IGFL2: variants seen among roughly 807,000 people sequenced by gnomAD.
IGFL2 encodes IGF like family member 2.
Under a neutral mutation model 13.9 loss-of-function variants are expected in IGFL2, and 7 were observed. That is an observed-to-expected ratio of 0.51 (90% CI 0.29 to 0.95). The LOEUF (loss-of-function observed/expected upper bound fraction) is 0.95, where lower values mean the gene tolerates loss of function less well. IGFL2 is among the 40% of genes least tolerant of loss of function. The probability of loss-of-function intolerance (pLI) is 0.08; values close to 1 mark genes in which losing one functional copy is unlikely to be tolerated. For missense variants in IGFL2, 138 were observed against 147.8 expected, an observed-to-expected ratio of 0.93 and a Z score of 0.34; for synonymous variants, 55 against 55.8, an observed-to-expected ratio of 0.99 and a Z score of 0.07.
At chr19:46,174,618 G>A in the IGFL2 span, among the ~76,000 whole-genome samples, 7 of 152,142 alleles carry the variant, frequency 4.6e-5, no homozygotes, top group Non-Finnish European at 1.0e-4. Context: ...AAATGTATGA[G>A]GAGTGGGTAG....
the IGFL2 span, among the ~76,000 whole-genome samples, chr19:46,183,307 A>G: frequency 4.4e-3 from 677 of 152,284 alleles, 5 homozygotes; most frequent in Middle Eastern, 0.014. Context: ...TAGGATTACA[A>G]TTCGAGATGA....
chr19:46,117,242 A>G, the IGFL2 span, among the ~76,000 whole-genome samples: 9 of 152,022 alleles, frequency 5.9e-5, no homozygotes, highest in Admixed American at 3.9e-4. Flanking sequence ...CTCTTTTTAA[A>G]TTTTTATATT....
At chr19:46,091,247 A>AG in the IGFL2 span, among the ~76,000 whole-genome samples, 1 of 152,224 alleles carries the variant, frequency 6.6e-6, no homozygotes, top group Non-Finnish European at 1.5e-5. Flanking sequence ...ATTTGTAAGA[A>AG]GTAGATATCT....
chr19:46,135,704 A>T, the IGFL2 span, among the ~76,000 whole-genome samples: 1 of 150,164 alleles, frequency 6.7e-6, no homozygotes, highest in Non-Finnish European at 1.5e-5. Flanking sequence ...CCTCAAAGGG[A>T]AGACTTTCCT....
the IGFL2 span, among the ~76,000 whole-genome samples, chr19:46,094,175 G>C: frequency 6.6e-6 from 1 of 151,650 alleles, no homozygotes; most frequent in South Asian, 2.1e-4. Flanking sequence ...ACCTGATTCT[G>C]AGGCTTTTTA....
At chr19:46,210,409 G>C in the IGFL2 span, 3 of 152,128 alleles carry the variant, frequency 2.0e-5, no homozygotes, top group African/African-American at 4.8e-5. Context: ...TATTAATCAG[G>C]GTTCTCTAGA....
chr19:46,195,596 G>A, the IGFL2 span, among the ~76,000 whole-genome samples: 128 of 152,194 alleles, frequency 8.4e-4, 1 homozygote, highest in African/African-American at 2.9e-3. Context: ...TAGAGACAGG[G>A]TCTCACTCCA....
the IGFL2 span, among the ~76,000 whole-genome samples, chr19:46,093,523 A>G: frequency 2.6e-5 from 4 of 152,286 alleles, no homozygotes; most frequent in East Asian, 3.9e-4. Flanking sequence ...CACTACTTCT[A>G]TTCATCTTTG....
the IGFL2 span, among the ~76,000 whole-genome samples, chr19:46,102,037 T>C: frequency 5.3e-5 from 8 of 152,342 alleles, no homozygotes; most frequent in East Asian, 1.5e-3. Flanking sequence ...TCTAAGTGGC[T>C]GGAGCTGGAA....
At chr19:46,190,680 C>T in the IGFL2 span, among the ~76,000 whole-genome samples, 6 of 152,204 alleles carry the variant, frequency 3.9e-5, no homozygotes, top group African/African-American at 1.2e-4. Flanking sequence ...ATATTTATCA[C>T]GCCCCCTGGT....
chr19:46,198,238 T>C, the IGFL2 span: 1 of 151,740 alleles, frequency 6.6e-6, no homozygotes, highest in Non-Finnish European at 1.5e-5. Flanking sequence ...GCCTCCCAAG[T>C]AGTTGGGACC....
chr19:46,172,296 C>T, the IGFL2 span, among the ~76,000 whole-genome samples: 1 of 152,168 alleles, frequency 6.6e-6, no homozygotes, highest in Admixed American at 6.5e-5. Flanking sequence ...TCACACAAGG[C>T]ATTCTGTGGG....
chr19:46,095,738 T>C, the IGFL2 span, among the ~76,000 whole-genome samples: 3 of 152,188 alleles, frequency 2.0e-5, no homozygotes, highest in African/African-American at 7.2e-5. Flanking sequence ...CAGTTTCAAT[T>C]TTCTGCATAT....
downstream of IGFL2, among the ~76,000 whole-genome samples, chr19:46,166,252 G>A (rs2012204): frequency 0.63 from 95,970 of 151,996 alleles, 31,083 homozygotes; most frequent in Middle Eastern, 0.71. Context: ...GACAGAGTAC[G>A]AAAGAGAGAA....
chr19:46,160,831 G>A lies in IGFL2; in HGVS notation c.291G>A (p.Gln97=). 6.2e-7 allele frequency: 1 copy of A among 1,613,922 alleles called. No homozygotes were observed. Among genetic ancestry groups the A allele is most frequent in the Non-Finnish European group, 8.5e-7 (1 of 1,179,880 alleles). ...TNDFVVKLKV[Q]GVNSQCHSSP... ...ATTTTGTTGTGAAGCTGAAGGTTCA[G>A]GGTGTGAATTCCCAGTGCCACTCAT... Residue 97 remains glutamine, a synonymous_variant, in exon 3 of 4, where the codon CAG becomes CAA. Coordinates refer to ENST00000377693, the MANE Select transcript of IGFL2 (RefSeq NM_001135113.2).
the IGFL2 span, among the ~76,000 whole-genome samples, chr19:46,123,316 A>C: frequency 2.6e-5 from 4 of 150,966 alleles, no homozygotes; most frequent in African/African-American, 9.8e-5. Context: ...TCTTAAAAAT[A>C]GAAACAAAAG....
chr19:46,209,997 G>C, the IGFL2 span: 4 of 152,340 alleles, frequency 2.6e-5, no homozygotes, highest in African/African-American at 7.2e-5. Flanking sequence ...GGGCTGCAGG[G>C]GGGGAGCGGA....
At chr19:46,147,261 G>C (rs1973185924), upstream of IGFL2, among the ~76,000 whole-genome samples, 1 of 152,108 alleles carries the variant, frequency 6.6e-6, no homozygotes, top group South Asian at 2.1e-4. Context: ...TGGATATGGT[G>C]GTCCATTTCC....
the IGFL2 span, among the ~76,000 whole-genome samples, chr19:46,199,719 G>A: frequency 1.3e-5 from 2 of 152,126 alleles, no homozygotes; most frequent in African/African-American, 4.8e-5. Flanking sequence ...TCCCACCAGC[G>A]TCTAGGCCTC....
Sources: gnomAD v4.1 joint callset for allele counts (sites outside exome capture counted in the v4.1 genomes callset) on GRCh38, gnomAD v4.1.1 for gene constraint, MANE v1.5 for transcripts, NCBI Gene and HGNC (gene_info 2026-07-23, HGNC 2026-07-21) for gene names.